Variants in NCOR2 observed in about 807,000 individuals in gnomAD.
NCOR2 encodes CTG repeat protein 26.
A neutral mutation model predicts 262.9 loss-of-function variants in NCOR2; 81 were observed. That is an observed-to-expected ratio of 0.31 (90% CI 0.26 to 0.37). The LOEUF is 0.37. Ranked by LOEUF, NCOR2 falls within the 10% of genes least tolerant of loss-of-function variation. NCOR2 has a pLI of 1.00. For missense variants in NCOR2, 3,385 were observed against 3,621.4 expected (o/e 0.93, Z 1.68); for synonymous variants, 1,659 against 1,559.3 (o/e 1.06, Z -1.51).
intron 14 of NCOR2, among the ~76,000 whole-genome samples, chr12:124,401,152 A>C (rs889351814): frequency 6.6e-6 from 1 of 151,798 alleles, no homozygotes; most frequent in Non-Finnish European, 1.5e-5. Context: ...TCGAGGCTGC[A>C]GTGAGCCATG....
chr12:124,499,697 G>C (rs980472576), upstream of NCOR2, among the ~76,000 whole-genome samples: 1 of 152,192 alleles, frequency 6.6e-6, no homozygotes, highest in Admixed American at 6.5e-5. Context: ...TGAATATGGG[G>C]GGAAGTGGGG....
upstream of NCOR2, among the ~76,000 whole-genome samples, chr12:124,537,657 G>A (rs1440896364): frequency 1.3e-5 from 2 of 152,156 alleles, no homozygotes; most frequent in East Asian, 1.9e-4. Context: ...ACTCCAGTGT[G>A]TGCCACTTCG....
chr12:124,348,425 G>C (rs2037126403), intron 28 of NCOR2, 111 bp from the exon 31 acceptor site: 1 of 1,399,642 alleles, frequency 7.1e-7, no homozygotes, highest in African/African-American at 1.4e-5. Context: ...CTTCCATGCT[G>C]GCCCCGTCAC....
chr12:124,399,971 A>G (rs772332343), intron 15 of NCOR2, among the ~76,000 whole-genome samples: 2 of 152,180 alleles, frequency 1.3e-5, no homozygotes, highest in Non-Finnish European at 2.9e-5. Flanking sequence ...GATGCCTACC[A>G]GGGTAGAGGC....
At chr12:124,448,535 A>AC (rs1406218592) in intron 7 of NCOR2, among the ~76,000 whole-genome samples, 3 of 151,348 alleles carry the variant, frequency 2.0e-5, no homozygotes, top group Non-Finnish European at 4.4e-5. Flanking sequence ...GCTGAGGATG[A>AC]CCCCCCCGCC....
intron 13 of NCOR2, among the ~76,000 whole-genome samples, chr12:124,418,307 C>T (rs926955515): frequency 5.3e-5 from 8 of 152,128 alleles, no homozygotes; most frequent in East Asian, 1.9e-4. Flanking sequence ...GGGAATGCGG[C>T]GAGGGGTGGC....
intron 1 of NCOR2, among the ~76,000 whole-genome samples, chr12:124,525,960 T>C (rs1238452870): frequency 6.6e-6 from 1 of 152,156 alleles, no homozygotes; most frequent in African/African-American, 2.4e-5. Context: ...TTAGAAATTG[T>C]AGTTAATGTT....
At chr12:124,494,156 C>T (rs537327411) in intron 1 of NCOR2, among the ~76,000 whole-genome samples, 89 of 152,326 alleles carry the variant, frequency 5.8e-4, no homozygotes, top group Admixed American at 5.6e-3. Context: ...CTGATGGAAA[C>T]GTCCTCCCAC....
chr12:124,402,168 G>A (rs966696053), intron 14 of NCOR2, among the ~76,000 whole-genome samples: 1 of 152,192 alleles, frequency 6.6e-6, no homozygotes, highest in Non-Finnish European at 1.5e-5. Context: ...AGTCTCCAGA[G>A]GGTTGGAGAA....
At chr12:124,562,858 C>T (rs1383171864) in intron 1 of NCOR2, among the ~76,000 whole-genome samples, 1 of 152,166 alleles carries the variant, frequency 6.6e-6, no homozygotes, top group Non-Finnish European at 1.5e-5. Flanking sequence ...GAAGTCTTTG[C>T]TCTCCAACAG....
In NCOR2 at chr12:124,483,508, G is replaced by A; in HGVS notation, c.411+88C>T. On this transcript the variant is annotated intron_variant, in intron 3 of 46. Coordinates refer to ENST00000405201, the Ensembl canonical transcript of NCOR2. This position sits in a 1 kb window ranked among gnomAD's most constrained non-coding sequence, Gnocchi z 6.3. ...CCTTTGCCCGAGCTGCCCCCTCCCT[G>A]CACCCCTACCCACCACCTCCCACCC... is the stretch of plus-strand genomic sequence containing the variant. 1 of 1,358,058 alleles carries A rather than the reference G, an allele frequency of 7.4e-7. No individual in the cohort carries two copies. The highest frequency in any genetic ancestry group is 9.7e-7 in the Non-Finnish European group (1 of 1,028,480). 84.1% of individuals were successfully genotyped at this position (1,358,058 alleles called of 1,614,324 possible).
chr12:124,340,349 T>TTCCCGCTCCCGATCCCGG, exon 36 of NCOR2: 1 of 1,612,972 alleles, frequency 6.2e-7, no homozygotes, highest in African/African-American at 1.3e-5. Flanking sequence ...GGATGGACTT[T>TTCCCGCTCCCGATCCCGG]TCCCGCTCCC....
intron 16 of NCOR2, among the ~76,000 whole-genome samples, chr12:124,395,250 G>C (rs2041573697): frequency 6.6e-6 from 1 of 152,122 alleles, no homozygotes; most frequent in Admixed American, 6.5e-5. Flanking sequence ...CTGGGCGGGG[G>C]CTCCAGAACG....
chr12:124,335,860 C>A (rs1435944495), intron 38 of NCOR2: 1 of 549,976 alleles, frequency 1.8e-6, no homozygotes, highest in Non-Finnish European at 3.2e-6. Context: ...CAGAGACAGA[C>A]AGAGAGGGAG....
At chr12:124,361,122 CAAA>C (rs33951841) in intron 22 of NCOR2, among the ~76,000 whole-genome samples, 15,782 of 122,496 alleles carry the variant, frequency 0.13, 995 homozygotes, top group Admixed American at 0.15. Flanking sequence ...CCGTCTCAAA[CAAA>C]AAAAAAAAAA....
chr12:124,343,351 G>T, intron 32 of NCOR2, 125 bp from the exon 35 acceptor site: 1 of 710,186 alleles, frequency 1.4e-6, no homozygotes, highest in Non-Finnish European at 2.3e-6. Context: ...TTTCTTCATT[G>T]CCTTAGTTCA....
intron 38 of NCOR2, 37 bp downstream of exon 40, chr12:124,336,716 G>T (rs754478891): frequency 6.2e-7 from 1 of 1,605,480 alleles, no homozygotes; most frequent in Non-Finnish European, 8.5e-7. Flanking sequence ...CATGATAATC[G>T]CGTCTATGAA....
At chr12:124,421,134 A>ACTGGCTGGTCCAC (rs2043179837) in intron 12 of NCOR2, among the ~76,000 whole-genome samples, 1 of 152,224 alleles carries the variant, frequency 6.6e-6, no homozygotes, top group African/African-American at 2.4e-5. Context: ...ACGGGCACAG[A>ACTGGCTGGTCCAC]CTGGCTGGTC....
At chr12:124,390,385 G>A (rs951908138) in intron 16 of NCOR2, among the ~76,000 whole-genome samples, 6 of 152,090 alleles carry the variant, frequency 3.9e-5, no homozygotes, top group Admixed American at 2.6e-4. Flanking sequence ...CTGCCTCCAC[G>A]GGTTTTCTCA....
Sources: allele counts gnomAD v4.1 joint callset (sites outside exome capture counted in the v4.1 genomes callset), GRCh38; gene constraint gnomAD v4.1.1; non-coding constraint Gnocchi (gnomAD v3.1); transcripts MANE v1.5; gene names NCBI Gene and HGNC (gene_info 2026-07-23, HGNC 2026-07-21).